DPH6: variants seen among roughly 807,000 people sequenced by gnomAD.
DPH6 encodes the protein diphthamine biosynthesis 6.
DPH6 carries 33 observed loss-of-function variants against 38.2 expected under a neutral mutation model. The ratio of observed to expected loss-of-function variants is 0.86; its 90% CI spans 0.65 to 1.15. DPH6 has a LOEUF of 1.15. Among genes scored for constraint, DPH6 ranks in the 50% most tolerant of loss-of-function variants. DPH6 has a pLI of 0.00. For synonymous variants in DPH6, 108 were observed against 103.0 expected (o/e 1.05, Z -0.30); for missense variants, 325 against 320.0 (o/e 1.02, Z -0.12).
intron 6 of DPH6, among the ~76,000 whole-genome samples, chr15:35,389,540 A>G (rs1429409710): frequency 6.6e-6 from 1 of 152,160 alleles, no homozygotes; most frequent in Non-Finnish European, 1.5e-5. Context: ...TTGGGTGCAT[A>G]TATATTTAGG....
chr15:35,146,687 G>C, the DPH6 span, among the ~76,000 whole-genome samples: 1 of 152,114 alleles, frequency 6.6e-6, no homozygotes, highest in Non-Finnish European at 1.5e-5. Context: ...TACTACTAAA[G>C]GTGAATTTGA....
chr15:35,327,964 C>T (rs369265182), downstream of DPH6, among the ~76,000 whole-genome samples: 8 of 152,280 alleles, frequency 5.3e-5, no homozygotes, highest in East Asian at 1.2e-3. Context: ...GCAAACCCTC[C>T]AGCTATAACA....
chr15:35,546,069 GGAC>G (rs908048453), intron 1 of DPH6, 47 bp downstream of exon 1: 12 of 1,334,566 alleles, frequency 9.0e-6, no homozygotes, highest in Non-Finnish European at 1.1e-5. Flanking sequence ...CGGCTGGAAG[GGAC>G]GAGAGCCTGG....
chr15:35,491,430 G>T (rs550707310), intron 3 of DPH6, among the ~76,000 whole-genome samples: 26 of 151,978 alleles, frequency 1.7e-4, no homozygotes, highest in Admixed American at 7.9e-4. Flanking sequence ...ATTCTGTTAA[G>T]TTATTCTCAT....
At position 35,272,905 on chromosome 15, in the gene DPH6, T is replaced by C. The variant is rs2051832207; in HGVS notation, n.201-52323A>G. On this transcript the variant is annotated intron_variant and non_coding_transcript_variant, in intron 3 of 3. Transcript: ENST00000560386. The stretch of plus-strand genomic sequence containing the variant: ...CTGGGCAACAGAGCGAGACCCCATC[T>C]AAAAAAAAAAAAACAAACCAAAAAG... Among the ~76,000 whole-genome samples the C allele has an allele frequency of 2.9e-5, 4 of 138,844 alleles. No homozygotes were observed. In the South Asian group the frequency reaches 9.3e-4, roughly 32 times the overall value. The allele number at this position is 138,844 out of a possible 152,430, so 91.1% of individuals were successfully genotyped here.
chr15:35,520,425 CT>C, intron 3 of DPH6: 1 of 982,874 alleles, frequency 1.0e-6, no homozygotes, highest in Non-Finnish European at 1.2e-6. Context: ...TGAATCTTAC[CT>C]TTACATATGG....
chr15:35,489,302 G>A, intron 3 of DPH6: 1 of 980,496 alleles, frequency 1.0e-6, no homozygotes, highest in Non-Finnish European at 1.2e-6. Context: ...GAAAGGATAA[G>A]CAAAGAGAAG....
chr15:35,449,788 G>A (rs1353297287), intron 5 of DPH6, among the ~76,000 whole-genome samples: 1 of 152,092 alleles, frequency 6.6e-6, no homozygotes, highest in Non-Finnish European at 1.5e-5. Flanking sequence ...CTCAACTTCA[G>A]CAAGAATACA....
chr15:35,177,400 C>A, the DPH6 span, among the ~76,000 whole-genome samples: 27 of 150,734 alleles, frequency 1.8e-4, no homozygotes, highest in Admixed American at 1.7e-3. Flanking sequence ...CACAGTGAGA[C>A]CCCACCTCTC....
the DPH6 span, among the ~76,000 whole-genome samples, chr15:35,208,385 C>T: frequency 1.3e-5 from 2 of 152,138 alleles, no homozygotes; most frequent in African/African-American, 2.4e-5. Context: ...GATATGCAAG[C>T]AAGCCTCAGA....
At chr15:35,210,703 G>T in the DPH6 span, among the ~76,000 whole-genome samples, 1 of 152,068 alleles carries the variant, frequency 6.6e-6, no homozygotes, top group Non-Finnish European at 1.5e-5. Flanking sequence ...ATTGGACACA[G>T]ATCTTACTAG....
chr15:35,415,129 A>T (rs1165178033), intron 5 of DPH6, among the ~76,000 whole-genome samples: 1 of 151,870 alleles, frequency 6.6e-6, no homozygotes, highest in East Asian at 1.9e-4. Flanking sequence ...TACGTTTTTC[A>T]CATTTTTCCT....
In DPH6 at chr15:35,243,417, A is replaced by G. The variant is rs1369139261; in HGVS notation, n.201-22835T>C. On this transcript the variant is annotated intron_variant and non_coding_transcript_variant, in intron 3 of 3. Transcript: ENST00000560386. ...AGAAGGCAGGAATGTCAGGCCTCTG[A>G]GCCCAAGCCAAGCCATTGCATCCCC... 4.2e-5 allele frequency among the ~76,000 whole-genome samples: 6 copies of G among 143,534 alleles called. 1 individual carries two copies. Among genetic ancestry groups the G allele is most frequent in the Non-Finnish European group, 9.2e-5 (6 of 65,490 alleles). The allele number at this position is 143,534 out of a possible 152,430, so 94.2% of individuals were successfully genotyped here. A position where few individuals can be genotyped will look rare whatever the true frequency, so the allele number is the denominator to read the frequency against.
chr15:35,226,981 C>T (rs1454027045), intron 3 of DPH6, among the ~76,000 whole-genome samples: 4 of 152,010 alleles, frequency 2.6e-5, no homozygotes, highest in Non-Finnish European at 5.9e-5. Flanking sequence ...GGAGACTTTT[C>T]ATTATGGTTT....
chr15:35,421,638 T>C (rs755691800), intron 5 of DPH6, among the ~76,000 whole-genome samples: 1 of 152,148 alleles, frequency 6.6e-6, no homozygotes, highest in Non-Finnish European at 1.5e-5. Context: ...GTTTTCAAGA[T>C]GATGAGTACT....
intron 3 of DPH6, among the ~76,000 whole-genome samples, chr15:35,272,395 A>G (rs978235655): frequency 1.3e-5 from 2 of 152,146 alleles, no homozygotes; most frequent in Admixed American, 1.3e-4. Flanking sequence ...AAGGGCTAAC[A>G]TCTAGGAAGC....
At chr15:35,185,641 G>C in the DPH6 span, among the ~76,000 whole-genome samples, 2 of 150,184 alleles carry the variant, frequency 1.3e-5, no homozygotes, top group Non-Finnish European at 3.0e-5. Flanking sequence ...ATTTTCACAC[G>C]AAAATTTTCG....
intron 3 of DPH6, among the ~76,000 whole-genome samples, chr15:35,477,457 A>G (rs2054276565): frequency 6.6e-6 from 1 of 151,870 alleles, no homozygotes. Flanking sequence ...GCATGGTATC[A>G]GTGTACTCCA....
the DPH6 span, among the ~76,000 whole-genome samples, chr15:35,161,105 C>G: frequency 8.6e-5 from 13 of 151,822 alleles, no homozygotes; most frequent in Non-Finnish European, 1.5e-4. Flanking sequence ...CAAACCTGCA[C>G]GTTGTGCACA....
Sources: gnomAD v4.1 joint callset for allele counts (sites outside exome capture counted in the v4.1 genomes callset) on GRCh38, gnomAD v4.1.1 for gene constraint, MANE v1.5 for transcripts, NCBI Gene and HGNC (gene_info 2026-07-23, HGNC 2026-07-21) for gene names.